Variants in OTC observed in about 807,000 individuals in gnomAD.
The protein encoded by OTC is ornithine transcarbamylase, also known as ornithine transcarbamylase, mitochondrial.
Under a neutral mutation model 30.3 loss-of-function variants are expected in OTC, and 3 were observed. The observed-to-expected ratio is 0.10, with a 90% CI of 0.05 to 0.26. OTC has a LOEUF of 0.26. Ranked by LOEUF, OTC falls within the 10% of genes least tolerant of loss-of-function variation. The pLI is 1.00. For synonymous variants in OTC, 111 were observed against 99.7 expected (o/e 1.11, Z -0.67); for missense variants, 194 against 260.3 (o/e 0.75, Z 1.75).
intron 4 of OTC, among the ~76,000 whole-genome samples, chrX:38,385,944 A>T (rs1018615241): frequency 1.8e-5 from 2 of 109,707 alleles, no homozygotes; most frequent in Admixed American, 9.7e-5. Context: ...AAAATAAAAT[A>T]AAAAAAATTC....
chrX:38,422,791 T>G (rs777311977), downstream of OTC, among the ~76,000 whole-genome samples: 1 of 112,038 alleles, frequency 8.9e-6, no homozygotes. Flanking sequence ...AATTCACCCT[T>G]AACTTTTGCA....
rs1324922661 is a variant in OTC, at chrX:38,408,914, A to T, written c.756A>T (p.Glu252Asp). 8.3e-7 allele frequency: 1 copy of T among 1,210,761 alleles called. No homozygotes were observed. Among genetic ancestry groups the T allele is most frequent in the Non-Finnish European group, 1.1e-6 (1 of 894,789 alleles). Reference protein sequence around the residue: ...TKLLLTNDPLEAAHGGNVLIT... With the variant: ...TKLLLTNDPLDAAHGGNVLIT... ...TGTTGCTGACAAATGATCCATTGGAAGCAGCGCATGGAGGCAATGTATTAA... is the reference window on the plus strand; with the variant it reads ...TGTTGCTGACAAATGATCCATTGGATGCAGCGCATGGAGGCAATGTATTAA... The change falls in exon 8 of 10, where the codon GAA becomes GAT. Residue 252 changes from glutamate (E) to aspartate (D), a missense_variant. Glu to Asp is a conservative substitution (Grantham distance 45). Transcript: ENST00000039007.
chrX:38,350,960 A>G (rs1328241531), upstream of OTC, among the ~76,000 whole-genome samples: 1 of 111,869 alleles, frequency 8.9e-6, no homozygotes, highest in Non-Finnish European at 1.9e-5. Flanking sequence ...CTCCTGTATT[A>G]TGTGGAGCGC....
At chrX:38,367,077 C>T (rs1466677027) in intron 1 of OTC, among the ~76,000 whole-genome samples, 1 of 108,962 alleles carries the variant, frequency 9.2e-6, no homozygotes, top group Admixed American at 1.0e-4. Context: ...ACTTGGGTGG[C>T]TGAAGCAGGA....
At chrX:38,360,741 T>C (rs2068267443) in intron 1 of OTC, among the ~76,000 whole-genome samples, 1 of 112,300 alleles carries the variant, frequency 8.9e-6, no homozygotes, top group African/African-American at 3.2e-5. Flanking sequence ...ACGAACACAG[T>C]TCAAATTTCA....
intron 3 of OTC, among the ~76,000 whole-genome samples, chrX:38,376,453 T>C (rs1024523830): frequency 9.0e-6 from 1 of 111,670 alleles, no homozygotes; most frequent in African/African-American, 3.3e-5. Context: ...CATGGAAAAT[T>C]CATCTATGCT....
At chrX:38,370,108 G>A (rs758799819) in intron 3 of OTC, among the ~76,000 whole-genome samples, 1 of 112,851 alleles carries the variant, frequency 8.9e-6, no homozygotes, top group Non-Finnish European at 1.9e-5. Flanking sequence ...CTGAGTAGAA[G>A]TTCCATATAA....
chrX:38,349,989 C>CT (rs2068206564), upstream of OTC, among the ~76,000 whole-genome samples: 1 of 110,095 alleles, frequency 9.1e-6, no homozygotes, highest in African/African-American at 3.3e-5. Context: ...TCACAGGTTC[C>CT]TTTTTTTGCT....
the OTC span, among the ~76,000 whole-genome samples, chrX:38,344,053 C>G: frequency 9.0e-6 from 1 of 111,392 alleles, no homozygotes; most frequent in Non-Finnish European, 1.9e-5. Context: ...GAAAGTAACT[C>G]TCAGATCGCT....
the OTC span, among the ~76,000 whole-genome samples, chrX:38,340,473 G>GTTTTTTTTT: frequency 5.3e-5 from 3 of 56,127 alleles, no homozygotes; most frequent in Non-Finnish European, 1.0e-4. Context: ...TTTTTTTTTT[G>GTTTTTTTTT]TTTTTTTTTT....
In OTC at chrX:38,396,803, G is replaced by T. The variant is rs774719920; in HGVS notation, c.387-4472G>T. 4.5e-5 allele frequency among the ~76,000 whole-genome samples: 5 copies of T among 111,653 alleles called. No homozygotes were observed. The Admixed American group carries it at 4.8e-4, about 11-fold the overall frequency. On this transcript the variant is annotated intron_variant, in intron 4 of 9. Transcript: ENST00000039007. ...AAAAAAATTTAGACTACTTTTTATG[G>T]ACATTTAACTAAGTTAGTATTTTGG...
chrX:38,344,212 C>T, the OTC span, among the ~76,000 whole-genome samples: 4 of 99,122 alleles, frequency 4.0e-5, no homozygotes. Context: ...CTCTGTAAAT[C>T]AGGAGCTCTT....
chrX:38,351,159 T>A (rs1368952845), upstream of OTC, among the ~76,000 whole-genome samples: 6 of 112,156 alleles, frequency 5.3e-5, no homozygotes, highest in Non-Finnish European at 1.1e-4. Flanking sequence ...TTCCCCTCAC[T>A]TTATCTCACA....
chrX:38,343,384 A>G, the OTC span, among the ~76,000 whole-genome samples: 1 of 111,734 alleles, frequency 8.9e-6, no homozygotes, highest in Non-Finnish European at 1.9e-5. Context: ...CTGTACTTCC[A>G]ATGGGGAGGA....
At chrX:38,413,953 C>T (rs1265274179) in intron 9 of OTC, among the ~76,000 whole-genome samples, 1 of 110,307 alleles carries the variant, frequency 9.1e-6, no homozygotes, top group South Asian at 3.9e-4. Flanking sequence ...GGATTACAGG[C>T]GTGAGCCACC....
At chrX:38,411,450 G>C (rs886134222) in intron 8 of OTC, among the ~76,000 whole-genome samples, 4 of 109,103 alleles carry the variant, frequency 3.7e-5, no homozygotes, top group Non-Finnish European at 5.7e-5. Flanking sequence ...CGGATCATTT[G>C]AGGTCAGGAG....
intron 4 of OTC, among the ~76,000 whole-genome samples, chrX:38,395,125 A>G (rs888083671): frequency 5.4e-5 from 6 of 110,636 alleles, no homozygotes; most frequent in African/African-American, 2.0e-4. Flanking sequence ...GTCGCATGCC[A>G]CCACAACCGG....
chrX:38,379,832 T>C (rs1246930773), intron 3 of OTC, among the ~76,000 whole-genome samples: 1 of 110,967 alleles, frequency 9.0e-6, no homozygotes, highest in Non-Finnish European at 1.9e-5. Context: ...GATTTCACCA[T>C]GTTAGCCAGG....
chrX:38,334,522 C>G, the OTC span, among the ~76,000 whole-genome samples: 1 of 111,413 alleles, frequency 9.0e-6, no homozygotes, highest in African/African-American at 3.3e-5. Flanking sequence ...TGCACAGACT[C>G]AAGTCAGAAG....
Sources: gnomAD v4.1 joint callset for allele counts (sites outside exome capture counted in the v4.1 genomes callset) on GRCh38, gnomAD v4.1.1 for gene constraint, MANE v1.5 for transcripts, NCBI Gene and HGNC (gene_info 2026-07-23, HGNC 2026-07-21) for gene names.